Variants in KCNMA1 observed in about 807,000 individuals in gnomAD.
KCNMA1 encodes the protein potassium calcium-activated channel subfamily M alpha 1.
In KCNMA1, 29 loss-of-function variants were observed where a neutral mutation model predicts 140.0. That is an observed-to-expected ratio of 0.21 (90% CI 0.15 to 0.28). KCNMA1 has a LOEUF of 0.28. Among genes scored for constraint, KCNMA1 ranks in the 10% least tolerant of loss-of-function variants. KCNMA1 has a pLI of 1.00. For synonymous variants in KCNMA1, 612 were observed against 611.9 expected, an observed-to-expected ratio of 1.00 and a Z score of 0.00; for missense variants, 880 against 1,602.2, an observed-to-expected ratio of 0.55 and a Z score of 7.70.
intron 2 of KCNMA1, among the ~76,000 whole-genome samples, chr10:77,377,907 C>T (rs757081340): frequency 1.3e-5 from 2 of 152,200 alleles, no homozygotes; most frequent in Admixed American, 6.5e-5. Flanking sequence ...CCAGTTGCTT[C>T]ACTCCGTGCC....
At chr10:77,387,354 G>A (rs1053950793) in intron 2 of KCNMA1, among the ~76,000 whole-genome samples, 3 of 152,168 alleles carry the variant, frequency 2.0e-5, no homozygotes, top group Non-Finnish European at 4.4e-5. Flanking sequence ...GACAGGGTCA[G>A]GAGACATGTC....
At chr10:77,323,831 G>A (rs989517246) in intron 2 of KCNMA1, among the ~76,000 whole-genome samples, 6 of 152,204 alleles carry the variant, frequency 3.9e-5, no homozygotes, top group African/African-American at 1.4e-4. Flanking sequence ...GAGATGGGGA[G>A]GGATTCAGGG....
chr10:77,521,176 C>T (rs368411977), intron 1 of KCNMA1, among the ~76,000 whole-genome samples: 2 of 152,100 alleles, frequency 1.3e-5, no homozygotes, highest in African/African-American at 4.8e-5. Flanking sequence ...TGCAAAGGCC[C>T]TGAGGTGCAT....
chr10:77,443,426 T>C (rs2097453496), intron 1 of KCNMA1, among the ~76,000 whole-genome samples: 1 of 152,088 alleles, frequency 6.6e-6, no homozygotes, highest in South Asian at 2.1e-4. Context: ...GCTGGGAGTA[T>C]GGCTGGACTA....
At chr10:77,274,830 C>G (rs1002123623) in intron 2 of KCNMA1, among the ~76,000 whole-genome samples, 2 of 152,188 alleles carry the variant, frequency 1.3e-5, no homozygotes, top group African/African-American at 4.8e-5. Flanking sequence ...CATGGGTTTT[C>G]TTTCTATTGG....
intron 1 of KCNMA1, among the ~76,000 whole-genome samples, chr10:77,484,255 T>C (rs1221476316): frequency 1.3e-5 from 2 of 152,222 alleles, no homozygotes; most frequent in Non-Finnish European, 2.9e-5. Flanking sequence ...CTCCATTCAC[T>C]TATCCCGTTA....
intron 27 of KCNMA1, among the ~76,000 whole-genome samples, chr10:76,888,718 A>C (rs1220376305): frequency 6.6e-6 from 1 of 152,218 alleles, no homozygotes; most frequent in Non-Finnish European, 1.5e-5. Flanking sequence ...AAAGCGAGTC[A>C]ATTTAAAATA....
intron 14 of KCNMA1, among the ~76,000 whole-genome samples, chr10:77,047,511 G>C (rs895741213): frequency 4.6e-4 from 70 of 151,840 alleles, no homozygotes; most frequent in African/African-American, 1.7e-3. Flanking sequence ...TAAACAGCAA[G>C]AGTGATATGA....
At chr10:77,116,045 A>G (rs1480123777) in intron 6 of KCNMA1, among the ~76,000 whole-genome samples, 1 of 152,156 alleles carries the variant, frequency 6.6e-6, no homozygotes, top group South Asian at 2.1e-4. Context: ...CTGTGTGGAG[A>G]TAGTCATAGC....
intron 2 of KCNMA1, among the ~76,000 whole-genome samples, chr10:77,377,037 C>T (rs1337722298): frequency 1.3e-5 from 2 of 151,966 alleles, no homozygotes; most frequent in African/African-American, 2.4e-5. Context: ...ACTTAGATTA[C>T]AGTGCTAAGT....
In KCNMA1 at chr10:77,027,894, G is replaced by A; in HGVS notation, c.1860-3C>T. ...GCTTGAGCTTCACAAAACACAGCCT[G>A]CAATGAGATGGAGAAGCCTCCCAAT... On this transcript the variant is annotated splice_region_variant and splice_polypyrimidine_tract_variant and intron_variant, in intron 15 of 27. Transcript: ENST00000286628. 6.2e-7 allele frequency: 1 copy of A among 1,612,826 alleles called. No individual in the cohort carries two copies. Among genetic ancestry groups the A allele is most frequent in the Non-Finnish European group, 8.5e-7 (1 of 1,179,200 alleles).
intron 16 of KCNMA1, among the ~76,000 whole-genome samples, chr10:77,027,221 C>T (rs963009176): frequency 1.3e-5 from 2 of 152,076 alleles, no homozygotes; most frequent in African/African-American, 4.8e-5. Context: ...TCAACCAGAC[C>T]CAGTCCCTCA....
chr10:77,581,696 T>A (rs944851938), intron 1 of KCNMA1, among the ~76,000 whole-genome samples: 2 of 152,218 alleles, frequency 1.3e-5, no homozygotes, highest in Admixed American at 1.3e-4. Flanking sequence ...CCCTCCACTC[T>A]CAGCCTCCTT....
At chr10:77,049,039 C>T (rs2095250364) in intron 14 of KCNMA1, among the ~76,000 whole-genome samples, 1 of 152,158 alleles carries the variant, frequency 6.6e-6, no homozygotes. Flanking sequence ...GCTGAGATTA[C>T]AGACGTGAGC....
intron 2 of KCNMA1, among the ~76,000 whole-genome samples, chr10:77,313,386 C>T (rs1275167047): frequency 1.3e-5 from 2 of 152,194 alleles, no homozygotes; most frequent in Non-Finnish European, 2.9e-5. Context: ...CCTTAAGCCA[C>T]TCACGACAGA....
intron 19 of KCNMA1, among the ~76,000 whole-genome samples, chr10:76,987,156 A>G (rs1355967888): frequency 6.6e-6 from 1 of 151,966 alleles, no homozygotes; most frequent in Non-Finnish European, 1.5e-5. Flanking sequence ...TATTGTCAAC[A>G]GAGTTTACAT....
intron 5 of KCNMA1, among the ~76,000 whole-genome samples, chr10:77,123,142 T>C (rs2097657241): frequency 8.4e-6 from 1 of 118,654 alleles, no homozygotes; most frequent in South Asian, 3.0e-4. Flanking sequence ...ATCGCGCCAC[T>C]GCACTCCAGC....
At chr10:77,580,155 G>T (rs919206077) in intron 1 of KCNMA1, among the ~76,000 whole-genome samples, 1 of 152,132 alleles carries the variant, frequency 6.6e-6, no homozygotes, top group Non-Finnish European at 1.5e-5. Context: ...GCCGAGGCGG[G>T]CAGATCACGA....
intron 1 of KCNMA1, among the ~76,000 whole-genome samples, chr10:77,508,585 T>TCC (rs60887783): frequency 1.2e-5 from 1 of 85,484 alleles, no homozygotes; most frequent in Non-Finnish European, 2.3e-5. Context: ...TCTTTTCTTT[T>TCC]TTTTTTTTTT....
Sources: allele counts gnomAD v4.1 joint callset (sites outside exome capture counted in the v4.1 genomes callset), GRCh38; gene constraint gnomAD v4.1.1; transcripts MANE v1.5; gene names NCBI Gene and HGNC (gene_info 2026-07-23, HGNC 2026-07-21).